Variants in SLC35F1 observed in about 807,000 individuals in gnomAD.
SLC35F1 encodes chromosome 6 open reading frame 169.
In SLC35F1, 14 loss-of-function variants were observed where a neutral mutation model predicts 48.7. That is an observed-to-expected ratio of 0.29 (90% CI 0.19 to 0.45). SLC35F1 has a LOEUF of 0.45. Among genes scored for constraint, SLC35F1 ranks in the 20% least tolerant of loss-of-function variants. The probability of loss-of-function intolerance (pLI) is 1.00; values close to 1 mark genes in which losing one functional copy is unlikely to be tolerated. For missense variants in SLC35F1, 404 were observed against 500.0 expected, an observed-to-expected ratio of 0.81 and a Z score of 1.83; for synonymous variants, 190 against 202.2, an observed-to-expected ratio of 0.94 and a Z score of 0.51.
Position 117,907,829 on chromosome 6 carries a change from G to A in SLC35F1, c.103G>A (p.Gly35Ser), listed in dbSNP as rs758447935. ...CGAGAACCTGCCGGCCGAGGGCAGCGGCGGCGGCGGGAGCCTGTCCGCCTC... is the reference window on the plus strand; with the variant it reads ...CGAGAACCTGCCGGCCGAGGGCAGCAGCGGCGGCGGGAGCCTGTCCGCCTC... ...TIENLPAEGS[G>S]GGGSLSASSR... The change falls in exon 1 of 8, where the codon GGC (glycine) becomes AGC (serine). Residue 35 changes from glycine to serine, a missense_variant. Around this residue, in one of 2 missense-constraint regions of SLC35F1, gnomAD observed 98 missense variants for 81.0 expected, o/e 1.21. Transcript: ENST00000360388. 9.8e-6 allele frequency: 15 copies of A among 1,530,658 alleles called. No individual in the cohort carries two copies. The South Asian group carries it at 1.1e-4, about 11-fold the overall frequency. The allele number at this position is 1,530,658 out of a possible 1,614,324, so 94.8% of individuals were successfully genotyped here.
In SLC35F1 at chr6:118,268,598, ATATTTTT is replaced by A. The variant is rs1421810672; in HGVS notation, c.637+1446_637+1452del. On this transcript the variant is annotated intron_variant, in intron 4 of 7. Coordinates refer to ENST00000360388, the MANE Select transcript of SLC35F1 (RefSeq NM_001029858.4). ...GTCATATATATGTATATATATATAT[ATATTTTT>A]TTTTTTTTTTTTTTTTTTTTTTGAG... 9.0e-5 allele frequency among the ~76,000 whole-genome samples: 7 copies of A among 77,806 alleles called. No individual in the cohort carries two copies. The East Asian group carries it at 2.0e-3, about 22-fold the overall frequency. The allele number at this position is 77,806 out of a possible 152,430, so 51.0% of individuals were successfully genotyped here.
intron 1 of SLC35F1, among the ~76,000 whole-genome samples, chr6:118,075,182 C>T (rs1208144178): frequency 6.6e-6 from 1 of 152,186 alleles, no homozygotes; most frequent in Non-Finnish European, 1.5e-5. Flanking sequence ...AACTTGCAGT[C>T]AGTATCTTAT....
chr6:117,953,845 A>G (rs956702933), intron 1 of SLC35F1, among the ~76,000 whole-genome samples: 1 of 152,176 alleles, frequency 6.6e-6, no homozygotes, highest in African/African-American at 2.4e-5. Context: ...TGGGGCACAA[A>G]GCAGATAATT....
At chr6:118,198,910 T>A (rs1287695534) in intron 2 of SLC35F1, among the ~76,000 whole-genome samples, 1 of 152,166 alleles carries the variant, frequency 6.6e-6, no homozygotes, top group Non-Finnish European at 1.5e-5. Context: ...TAGAGAACAC[T>A]CTCACAGCAA....
intron 1 of SLC35F1, among the ~76,000 whole-genome samples, chr6:118,034,387 G>A (rs1291316662): frequency 8.6e-5 from 13 of 151,794 alleles, no homozygotes; most frequent in Middle Eastern, 3.4e-3. Context: ...GTAAAATCCC[G>A]TCTCTACTGA....
chr6:118,183,959 G>A (rs560889897), intron 2 of SLC35F1, among the ~76,000 whole-genome samples: 1 of 152,156 alleles, frequency 6.6e-6, no homozygotes, highest in African/African-American at 2.4e-5. Context: ...TTGAATATCA[G>A]GAAGCAGAGA....
chr6:117,914,490 A>T (rs1775804030), intron 1 of SLC35F1, among the ~76,000 whole-genome samples: 1 of 152,184 alleles, frequency 6.6e-6, no homozygotes, highest in Non-Finnish European at 1.5e-5. Context: ...CTGTCGTATA[A>T]GATAGATCTC....
intron 1 of SLC35F1, among the ~76,000 whole-genome samples, chr6:118,099,247 A>G (rs1773222191): frequency 6.6e-6 from 1 of 152,192 alleles, no homozygotes; most frequent in Admixed American, 6.5e-5. Flanking sequence ...AAACTTAAGC[A>G]ACAGAATCAC....
intron 1 of SLC35F1, among the ~76,000 whole-genome samples, chr6:118,021,907 G>A (rs1045306842): frequency 5.3e-5 from 8 of 152,182 alleles, no homozygotes; most frequent in African/African-American, 1.9e-4. Flanking sequence ...TGGGGCCTCT[G>A]TCTTTAGGGG....
chr6:118,120,379 G>A (rs1466604204), intron 1 of SLC35F1, among the ~76,000 whole-genome samples: 1 of 152,142 alleles, frequency 6.6e-6, no homozygotes, highest in Non-Finnish European at 1.5e-5. Context: ...AAGAGTAGAT[G>A]AGAACATATG....
At chr6:118,196,575 G>A (rs936875475) in intron 2 of SLC35F1, among the ~76,000 whole-genome samples, 1 of 151,970 alleles carries the variant, frequency 6.6e-6, no homozygotes, top group Non-Finnish European at 1.5e-5. Context: ...AATTAGCTGG[G>A]TGTCATGGCA....
Position 117,990,874 on chromosome 6 carries a change from AGTCTGCGGCTGGTTCT to A in SLC35F1, c.173+82977_173+82992del, listed in dbSNP as rs1374972061. Among the ~76,000 whole-genome samples, 3 of 152,300 alleles carry A rather than the reference AGTCTGCGGCTGGTTCT, an allele frequency of 2.0e-5. No homozygotes were observed. The East Asian group carries it at 5.8e-4, about 29-fold the overall frequency. On this transcript the variant is annotated intron_variant, in intron 1 of 7. Transcript: ENST00000360388. ...AGTTGGAGTGTTGGCTCCATCCACC[AGTCTGCGGCTGGTTCT>A]GCTGTAAGTCTTCATAAATGACTAG...
At chr6:118,136,197 G>A (rs895820433) in intron 1 of SLC35F1, among the ~76,000 whole-genome samples, 4 of 152,126 alleles carry the variant, frequency 2.6e-5, no homozygotes, top group Non-Finnish European at 4.4e-5. Context: ...TCCTCATGTA[G>A]CAATGATCTA....
intron 1 of SLC35F1, among the ~76,000 whole-genome samples, chr6:117,940,691 C>T (rs1776219981): frequency 6.6e-6 from 1 of 151,804 alleles, no homozygotes; most frequent in Non-Finnish European, 1.5e-5. Flanking sequence ...CTCTGTCACC[C>T]AGGCTGTAGT....
At chr6:118,190,738 G>A (rs1218193950) in intron 2 of SLC35F1, among the ~76,000 whole-genome samples, 1 of 152,128 alleles carries the variant, frequency 6.6e-6, no homozygotes, top group Non-Finnish European at 1.5e-5. Context: ...CCAAGAGTTT[G>A]CAGTATGCTC....
Position 118,285,205 on chromosome 6 carries a change from G to A in SLC35F1, c.869G>A (p.Ser290Asn). ...CCAGGACTGCTCTACGTTGGCTTTA[G>A]TGCCTGCATGTTTGGTCTCTACAGC... is the stretch of plus-strand genomic sequence containing the variant. ...WQIGLLYVGF[S>N]ACMFGLYSFM... Residue 290 changes from serine (S) to asparagine (N), a missense_variant, in exon 7 of 8, where the codon AGT becomes AAT. Coordinates refer to ENST00000360388, the MANE Select transcript of SLC35F1 (RefSeq NM_001029858.4). 6.2e-7 allele frequency: 1 copy of A among 1,613,842 alleles called. No homozygotes were observed. Among genetic ancestry groups the A allele is most frequent in the Non-Finnish European group, 8.5e-7 (1 of 1,179,850 alleles).
intron 1 of SLC35F1, among the ~76,000 whole-genome samples, chr6:118,044,723 A>T (rs796213615): frequency 1.7e-4 from 26 of 152,118 alleles, no homozygotes; most frequent in African/African-American, 6.3e-4. Context: ...CATAGTCTAT[A>T]GCTGCACCTA....
chr6:117,985,991 G>C (rs1281766282), intron 1 of SLC35F1, among the ~76,000 whole-genome samples: 3 of 152,210 alleles, frequency 2.0e-5, no homozygotes, highest in African/African-American at 7.2e-5. Context: ...ACTGGGCAGG[G>C]CTGGAAATGT....
At chr6:118,264,803 A>G (rs898063783) in intron 3 of SLC35F1, among the ~76,000 whole-genome samples, 6 of 152,236 alleles carry the variant, frequency 3.9e-5, no homozygotes, top group Non-Finnish European at 8.8e-5. Context: ...ACAGTTTTCA[A>G]TGACAAACTG....
Sources: allele counts gnomAD v4.1 joint callset (sites outside exome capture counted in the v4.1 genomes callset), GRCh38; gene constraint gnomAD v4.1.1; regional missense constraint gnomAD v4.1.1; transcripts MANE v1.5; gene names NCBI Gene and HGNC (gene_info 2026-07-23, HGNC 2026-07-21).